SNX25: variants seen among roughly 807,000 people sequenced by gnomAD.
SNX25 encodes the protein sorting nexin-25.
In SNX25, 62 loss-of-function variants were observed where a neutral mutation model predicts 113.7. The ratio of observed to expected loss-of-function variants is 0.55; its 90% CI spans 0.44 to 0.67. SNX25 has a LOEUF of 0.67. Ranked by LOEUF, SNX25 falls within the 30% of genes least tolerant of loss-of-function variation. The pLI, the probability that SNX25 is intolerant of heterozygous loss-of-function variation, is 0.00. For missense variants in SNX25, 1,014 were observed against 1,161.0 expected, an observed-to-expected ratio of 0.87 and a Z score of 1.84; for synonymous variants, 421 against 436.2, an observed-to-expected ratio of 0.97 and a Z score of 0.43.
intron 5 of SNX25, among the ~76,000 whole-genome samples, chr4:185,282,110 A>G (rs12501185): frequency 0.34 from 51,625 of 152,062 alleles, 10,643 homozygotes; most frequent in East Asian, 0.56. Context: ...TTTATAAAAC[A>G]GTGTTTTAAA....
At chr4:185,260,423 C>CA (rs1156405141) in intron 3 of SNX25, among the ~76,000 whole-genome samples, 1 of 152,022 alleles carries the variant, frequency 6.6e-6, no homozygotes, top group Non-Finnish European at 1.5e-5. Flanking sequence ...TCTTCCCAAC[C>CA]ATTAGTTCAG....
chr4:185,353,173 ATAAGT>A (rs1033656961), intron 14 of SNX25: 2 of 202,746 alleles, frequency 9.9e-6, no homozygotes, highest in East Asian at 1.1e-4. Flanking sequence ...AAAATAAAAA[ATAAGT>A]TAAAAGCCTT....
intron 1 of SNX25, among the ~76,000 whole-genome samples, chr4:185,225,525 T>C (rs1010215934): frequency 8.5e-5 from 13 of 152,232 alleles, no homozygotes; most frequent in African/African-American, 1.4e-4. Context: ...GCATTGTTAA[T>C]GGGTTCAGGG....
rs532713943 is a variant in SNX25 at position 185,305,006 on chromosome 4, CCT to C, written c.1163-5626_1163-5625del. Among the ~76,000 whole-genome samples the C allele has an allele frequency of 1.4e-3, 212 of 152,208 alleles. 2 individuals carry two copies. Among genetic ancestry groups the C allele is most frequent in the Non-Finnish European group, 4.0e-4 (27 of 68,014 alleles). ...AAGGGGAAGGAGGGTGCGGCCTTGT[CCT>C]CTGTTTGCTCTAACCTTCTTGTTAG... On this transcript the variant is annotated intron_variant, in intron 6 of 18. Transcript: ENST00000652585.
chr4:185,229,972 G>T (rs1468539904), intron 1 of SNX25, among the ~76,000 whole-genome samples: 1 of 152,110 alleles, frequency 6.6e-6, no homozygotes, highest in Non-Finnish European at 1.5e-5. Context: ...GGGACTACAG[G>T]GACGTGCCAC....
chr4:185,341,241 A>T (rs561739300), intron 11 of SNX25, among the ~76,000 whole-genome samples: 33 of 152,374 alleles, frequency 2.2e-4, no homozygotes, highest in African/African-American at 7.9e-4. Context: ...GCACACATAC[A>T]ATATCTCAGT....
chr4:185,239,252 C>G (rs140551851), intron 1 of SNX25, among the ~76,000 whole-genome samples: 2 of 98,720 alleles, frequency 2.0e-5, no homozygotes, highest in Admixed American at 1.1e-4. Flanking sequence ...GAGGCCAAGG[C>G]GGGCAGATCA....
Position 185,259,050 on chromosome 4 carries a change from A to G in SNX25, c.717A>G (p.Lys239=), listed in dbSNP as rs568925655. Reference sequence around the variant, plus strand: ...TACTCACTCATTTCTGTGACCTGAAAGCTGCCAATGCCAGGTAACTGTTCT... The same window carrying G: ...TACTCACTCATTTCTGTGACCTGAAGGCTGCCAATGCCAGGTAACTGTTCT... ...RTLLTHFCDL[K]AANARHEEQP... Residue 239 remains lysine (K), a synonymous_variant, in exon 3 of 19, where the codon AAA becomes AAG. Coordinates refer to ENST00000652585, the MANE Select transcript of SNX25 (RefSeq NM_001378034.2). 9 of 1,614,070 alleles carry G rather than the reference A, an allele frequency of 5.6e-6. No homozygotes were observed. In the South Asian group the frequency reaches 9.9e-5, roughly 18 times the overall value.
At chr4:185,217,452 A>T (rs1739052980) in intron 1 of SNX25, among the ~76,000 whole-genome samples, 2 of 152,148 alleles carry the variant, frequency 1.3e-5, no homozygotes, top group South Asian at 4.1e-4. Flanking sequence ...CAATAAATTC[A>T]ACCCCAAACC....
intron 6 of SNX25, among the ~76,000 whole-genome samples, chr4:185,302,714 G>A (rs1322453076): frequency 2.6e-5 from 4 of 152,224 alleles, no homozygotes; most frequent in East Asian, 3.8e-4. Flanking sequence ...GCTGTGCGGA[G>A]TAAATGTCTG....
chr4:185,312,496 C>T (rs1194407462), intron 7 of SNX25, among the ~76,000 whole-genome samples: 3 of 151,664 alleles, frequency 2.0e-5, no homozygotes, highest in Admixed American at 2.0e-4. Context: ...TAGACTTAAC[C>T]CAGAGTGCCA....
At chr4:185,246,824 T>C (rs565938762) in intron 1 of SNX25, among the ~76,000 whole-genome samples, 1 of 152,338 alleles carries the variant, frequency 6.6e-6, no homozygotes, top group South Asian at 2.1e-4. Context: ...TTCTTAATTC[T>C]TTTTTAGCTT....
chr4:185,340,702 G>A (rs921248040), intron 11 of SNX25, among the ~76,000 whole-genome samples: 2 of 151,834 alleles, frequency 1.3e-5, no homozygotes, highest in African/African-American at 4.9e-5. Flanking sequence ...ACTTCACAGT[G>A]TATTAAAATC....
chr4:185,271,090 G>A (rs55703251), intron 5 of SNX25, among the ~76,000 whole-genome samples: 3,951 of 152,256 alleles, frequency 0.026, 79 homozygotes, highest in South Asian at 0.059. Context: ...ACCCACCGCT[G>A]CCAAGGAGTG....
chr4:185,252,240 G>A (rs901978164), intron 2 of SNX25, among the ~76,000 whole-genome samples: 15 of 152,116 alleles, frequency 9.9e-5, no homozygotes, highest in Admixed American at 8.5e-4. Flanking sequence ...ATCTAGAAAT[G>A]TATATTGAGA....
intron 1 of SNX25, among the ~76,000 whole-genome samples, chr4:185,215,549 G>A (rs937644917): frequency 1.3e-5 from 2 of 152,148 alleles, no homozygotes; most frequent in Non-Finnish European, 2.9e-5. Flanking sequence ...ACAGGAATTA[G>A]GGAGACTATT....
intron 1 of SNX25, among the ~76,000 whole-genome samples, chr4:185,240,587 G>A (rs1387300216): frequency 1.3e-5 from 2 of 149,420 alleles, no homozygotes; most frequent in Non-Finnish European, 3.0e-5. Flanking sequence ...TCACTTCCCA[G>A]TAGGGGCGGC....
the SNX25 span, chr4:185,375,512 A>ATATATATATATATG: frequency 1.2e-5 from 1 of 86,204 alleles, no homozygotes; most frequent in Non-Finnish European, 2.0e-5. Flanking sequence ...ATATATATAT[A>ATATATATATATATG]TATGTATATA....
At chr4:185,278,613 A>G (rs1408514113) in intron 5 of SNX25, among the ~76,000 whole-genome samples, 1 of 152,170 alleles carries the variant, frequency 6.6e-6, no homozygotes, top group Non-Finnish European at 1.5e-5. Context: ...CCTGACTTTA[A>G]TAGGATTAAT....
Sources: gnomAD v4.1 joint callset for allele counts (sites outside exome capture counted in the v4.1 genomes callset) on GRCh38, gnomAD v4.1.1 for gene constraint, MANE v1.5 for transcripts, NCBI Gene and HGNC (gene_info 2026-07-23, HGNC 2026-07-21) for gene names.